The following DCAF6 variants were observed in gnomAD, a reference collection of about 807,000 sequenced individuals.
DCAF6 encodes the protein DDB1 and CUL4 associated factor 6.
DCAF6 carries 54 observed loss-of-function variants against 125.1 expected under a neutral mutation model. The observed-to-expected ratio is 0.43, with a 90% CI of 0.35 to 0.54. The LOEUF (loss-of-function observed/expected upper bound fraction) is 0.54, where lower values mean the gene tolerates loss of function less well. Ranked by LOEUF, DCAF6 falls within the 20% of genes least tolerant of loss-of-function variation. DCAF6 has a pLI of 0.01. For missense variants in DCAF6, 934 were observed against 1,161.7 expected, an observed-to-expected ratio of 0.80 and a Z score of 2.85; for synonymous variants, 371 against 390.4, an observed-to-expected ratio of 0.95 and a Z score of 0.58.
intron 18 of DCAF6, among the ~76,000 whole-genome samples, chr1:168,065,328 T>A (rs79205594): frequency 6.6e-6 from 1 of 152,012 alleles, no homozygotes; most frequent in Admixed American, 6.6e-5. Flanking sequence ...TTTTTTTTTT[T>A]ATAGATAGGG....
At chr1:168,042,188 A>G (rs1489912403) in intron 13 of DCAF6, among the ~76,000 whole-genome samples, 2 of 151,990 alleles carry the variant, frequency 1.3e-5, no homozygotes, top group Admixed American at 1.3e-4. Context: ...GTATTTGTCT[A>G]TAATTAATGT....
At chr1:167,872,565 C>T in the DCAF6 span, among the ~76,000 whole-genome samples, 3 of 151,686 alleles carry the variant, frequency 2.0e-5, no homozygotes, top group Admixed American at 2.0e-4. Context: ...CAGTTTTTAC[C>T]CTAAAAAGCC....
chr1:168,056,640 T>C (rs1484500737), intron 17 of DCAF6, among the ~76,000 whole-genome samples: 1 of 152,228 alleles, frequency 6.6e-6, no homozygotes, highest in Non-Finnish European at 1.5e-5. Flanking sequence ...AAATACTACA[T>C]TGTGTATACC....
At chr1:167,893,297 G>A in the DCAF6 span, among the ~76,000 whole-genome samples, 81 of 152,224 alleles carry the variant, frequency 5.3e-4, no homozygotes, top group Non-Finnish European at 1.1e-3. Context: ...TCCCATTTGC[G>A]CAATTATATA....
intron 17 of DCAF6, among the ~76,000 whole-genome samples, chr1:168,053,302 G>A (rs570330931): frequency 6.6e-6 from 1 of 152,232 alleles, no homozygotes; most frequent in South Asian, 2.1e-4. Context: ...CATGCATACA[G>A]AAATAAAAGT....
chr1:168,031,697 GA>G (rs1164061409), intron 12 of DCAF6, among the ~76,000 whole-genome samples: 1 of 150,906 alleles, frequency 6.6e-6, no homozygotes, highest in Non-Finnish European at 1.5e-5. Context: ...AGGCAGACTT[GA>G]TTTTTTTTTT....
chr1:168,065,517 AT>A (rs1692213806), intron 18 of DCAF6, 72 bp from the exon 19 acceptor site: 7 of 1,071,866 alleles, frequency 6.5e-6, no homozygotes, highest in African/African-American at 3.2e-5. Flanking sequence ...AAATAAAAAA[AT>A]GTAAGAGTAG....
At chr1:167,950,632 A>G (rs959185731) in intron 1 of DCAF6, among the ~76,000 whole-genome samples, 1 of 152,190 alleles carries the variant, frequency 6.6e-6, no homozygotes, top group Non-Finnish European at 1.5e-5. Context: ...GCAATAGAGA[A>G]ATCTGCCCTT....
At chr1:167,952,011 A>G (rs1674022059) in intron 2 of DCAF6, 150 bp downstream of exon 2, 3 of 532,912 alleles carry the variant, frequency 5.6e-6, no homozygotes, top group Non-Finnish European at 9.7e-6. Context: ...TATATTTTGA[A>G]TCTAGAAGAG....
At chr1:168,068,336 C>T (rs376291700) in intron 20 of DCAF6, 22 bp from the exon 21 acceptor site, 31 of 1,544,192 alleles carry the variant, frequency 2.0e-5, no homozygotes, top group African/African-American at 4.1e-5. Context: ...ATCTTTGATA[C>T]GATTTTTAAC....
intron 2 of DCAF6, among the ~76,000 whole-genome samples, chr1:167,952,451 C>T (rs533695759): frequency 2.0e-5 from 3 of 152,130 alleles, no homozygotes; most frequent in Non-Finnish European, 2.9e-5. Flanking sequence ...GATCTGACCT[C>T]GTGATCCTCC....
the DCAF6 span, among the ~76,000 whole-genome samples, chr1:167,925,837 G>A: frequency 1.3e-5 from 2 of 152,156 alleles, no homozygotes; most frequent in East Asian, 3.9e-4. Flanking sequence ...GTGAGCCACC[G>A]TGCCCGGCCA....
the DCAF6 span, among the ~76,000 whole-genome samples, chr1:167,920,983 C>T: frequency 6.6e-6 from 1 of 151,944 alleles, no homozygotes; most frequent in Non-Finnish European, 1.5e-5. Context: ...TTATATATGT[C>T]AGGAACCACT....
At chr1:168,056,185 C>A in intron 17 of DCAF6, 1 of 1,610,040 alleles carries the variant, frequency 6.2e-7, no homozygotes. Flanking sequence ...ACAACATCTC[C>A]CAACGCTTCC....
At chr1:167,979,115 A>G (rs1216825990) in intron 4 of DCAF6, among the ~76,000 whole-genome samples, 1 of 152,150 alleles carries the variant, frequency 6.6e-6, no homozygotes, top group Non-Finnish European at 1.5e-5. Flanking sequence ...TCTGTAATCT[A>G]TCTGGATTTG....
At chr1:167,968,869 G>A (rs867725140) in intron 3 of DCAF6, among the ~76,000 whole-genome samples, 29 of 152,150 alleles carry the variant, frequency 1.9e-4, no homozygotes, top group African/African-American at 6.5e-4. Context: ...GGGTAAATTT[G>A]GAACTGAGAG....
chr1:167,936,674 C>CT, upstream of DCAF6: 2 of 475,890 alleles, frequency 4.2e-6, no homozygotes, highest in South Asian at 5.2e-5. Context: ...GAGACTGTTG[C>CT]TGATCTTTGG....
chr1:167,950,554 A>G (rs12134997), intron 1 of DCAF6, among the ~76,000 whole-genome samples: 19 of 152,200 alleles, frequency 1.2e-4, no homozygotes, highest in Non-Finnish European at 2.1e-4. Context: ...GTTAAATAAC[A>G]TGGAGAAAGA....
chr1:168,049,430 T>TA (rs1689570296), intron 16 of DCAF6, among the ~76,000 whole-genome samples: 1 of 57,790 alleles, frequency 1.7e-5, no homozygotes, highest in Non-Finnish European at 3.6e-5. Flanking sequence ...TTGTTGTTGT[T>TA]GTTTTTTTTT....
Sources: allele counts gnomAD v4.1 joint callset (sites outside exome capture counted in the v4.1 genomes callset), GRCh38; gene constraint gnomAD v4.1.1; transcripts MANE v1.5; gene names NCBI Gene and HGNC (gene_info 2026-07-23, HGNC 2026-07-21).